Variants in ATP1A1 observed in about 807,000 individuals in gnomAD.
ATP1A1 encodes ATPase Na+/K+ transporting subunit alpha 1, also known as sodium/potassium-transporting ATPase subunit alpha-1.
A neutral mutation model predicts 114.8 loss-of-function variants in ATP1A1; 14 were observed. That is an observed-to-expected ratio of 0.12 (90% CI 0.08 to 0.19). The LOEUF is 0.19. Ranked by LOEUF, ATP1A1 falls within the 10% of genes least tolerant of loss-of-function variation. The pLI is 1.00. For synonymous variants in ATP1A1, 471 were observed against 466.3 expected (o/e 1.01, Z -0.13); for missense variants, 524 against 1,290.7 (o/e 0.41, Z 9.10).
Position 116,398,961 on chromosome 1 carries a change from C to G in ATP1A1, c.2325C>G (p.Ser775=), listed in dbSNP as rs141378291. ...TGATCTTTGATAACTTGAAGAAATC[C>G]ATTGCTTATACCTTAACCAGTAACA... ...GRLIFDNLKK[S]IAYTLTSNIP... Residue 775 remains serine, a synonymous_variant, in exon 17 of 23, where the codon TCC becomes TCG. Transcript: ENST00000295598. This position sits in a 1 kb window ranked among gnomAD's most constrained non-coding sequence, Gnocchi z 6.1. The G allele has an allele frequency of 1.2e-6, 2 of 1,614,148 alleles. No individual in the cohort carries two copies. Among genetic ancestry groups the G allele is most frequent in the Non-Finnish European group, 1.7e-6 (2 of 1,180,030 alleles).
At chr1:116,375,386 A>G (rs1651299502) in intron 1 of ATP1A1, among the ~76,000 whole-genome samples, 1 of 152,262 alleles carries the variant, frequency 6.6e-6, no homozygotes, top group Admixed American at 6.5e-5. Context: ...TTAATAGGCC[A>G]TGGAGATGGT....
intron 10 of ATP1A1, chr1:116,392,506 C>CTT (rs1652547961): frequency 5.5e-6 from 1 of 180,410 alleles, no homozygotes; most frequent in Non-Finnish European, 1.1e-5. Context: ...ATAGCATTGG[C>CTT]TTTGAGACTT....
In ATP1A1 at chr1:116,391,275, G is replaced by A. The variant is rs114160468; in HGVS notation, c.1332+384G>A. The stretch of plus-strand genomic sequence containing the variant: ...TGAGGGCTGCAGTGACTCCATAATC[G>A]TATTTGCATATTAGGATACAGTAGA... On this transcript the variant is annotated intron_variant, in intron 10 of 22. Coordinates refer to ENST00000295598, the MANE Select transcript of ATP1A1 (RefSeq NM_000701.8). 8.2e-3 allele frequency among the ~76,000 whole-genome samples: 1,247 copies of A among 152,262 alleles called. 23 individuals carry two copies. The highest frequency in any genetic ancestry group is 0.028 in the African/African-American group (1,162 of 41,538).
At position 116,399,332 on chromosome 1, in the gene ATP1A1, G is replaced by A. The variant is rs1653228475; in HGVS notation, c.2449-88G>A. 1.3e-6 allele frequency: 2 copies of A among 1,514,814 alleles called. No individual in the cohort carries two copies. Among genetic ancestry groups the A allele is most frequent in the Non-Finnish European group, 1.8e-6 (2 of 1,124,202 alleles). 93.8% of individuals were successfully genotyped at this position (1,514,814 alleles called of 1,614,324 possible). ...TACTTCACCTAAAAGATTTTTAAATGGGAGGGCAAGAATTTTATAACAAAA... is the reference window on the plus strand; with the variant it reads ...TACTTCACCTAAAAGATTTTTAAATAGGAGGGCAAGAATTTTATAACAAAA... On this transcript the variant is annotated intron_variant, in intron 17 of 22. Coordinates refer to ENST00000295598, the MANE Select transcript of ATP1A1 (RefSeq NM_000701.8). The surrounding 1 kb of genome is among the most constrained non-coding windows in gnomAD (Gnocchi z 5.0).
chr1:116,404,619 G>A lies in ATP1A1; in HGVS notation c.*175G>A. ...AGCATGTAGCTCTATGGGGGGAGGGGGGAGGGCTGCCTGAAAACCATCCAT... is the reference window on the plus strand; with the variant it reads ...AGCATGTAGCTCTATGGGGGGAGGGAGGAGGGCTGCCTGAAAACCATCCAT... On this transcript the variant is annotated 3_prime_UTR_variant, in exon 23 of 23. Coordinates refer to ENST00000295598, the MANE Select transcript of ATP1A1 (RefSeq NM_000701.8). The surrounding 1 kb of genome is among the most constrained non-coding windows in gnomAD (Gnocchi z 4.8). The A allele has an allele frequency of 1.0e-6, 1 of 964,206 alleles. No homozygotes were observed. 59.7% of individuals were successfully genotyped at this position (964,206 alleles called of 1,614,324 possible).
chr1:116,373,748 C>G, intron 1 of ATP1A1: 1 of 912,332 alleles, frequency 1.1e-6, no homozygotes, highest in Non-Finnish European at 1.3e-6. Flanking sequence ...TGGAGCGCGG[C>G]ATTGCTTAGG....
rs569437738 is a variant in ATP1A1 at position 116,381,510 on chromosome 1, T to C, written c.13-2504T>C. Among the ~76,000 whole-genome samples the C allele has an allele frequency of 2.4e-4, 37 of 152,374 alleles. No individual in the cohort carries two copies. Among genetic ancestry groups the C allele is most frequent in the African/African-American group, 7.7e-4 (32 of 41,598 alleles). ...ATTAAAATTTTGAAGAAAAAGCAGTTTTACTTGTTAATACTTGCCATGTGT... is the reference window on the plus strand; with the variant it reads ...ATTAAAATTTTGAAGAAAAAGCAGTCTTACTTGTTAATACTTGCCATGTGT... On this transcript the variant is annotated intron_variant, in intron 1 of 22. Transcript: ENST00000295598. This position sits in a 1 kb window ranked among gnomAD's most constrained non-coding sequence, Gnocchi z 5.1.
chr1:116,404,316 C>A lies in ATP1A1; in HGVS notation c.3044-100C>A. ...TTTGGATTTTAACACACCCGACCCCCATCATCCTCCGGTTGGTTTTCATCC... is the reference window on the plus strand; with the variant it reads ...TTTGGATTTTAACACACCCGACCCCAATCATCCTCCGGTTGGTTTTCATCC... On this transcript the variant is annotated intron_variant, in intron 22 of 22. Transcript: ENST00000295598. The surrounding 1 kb of genome is among the most constrained non-coding windows in gnomAD (Gnocchi z 4.8). 5 of 1,451,314 alleles carry A rather than the reference C, an allele frequency of 3.4e-6. No individual in the cohort carries two copies. The highest frequency in any genetic ancestry group is 1.8e-5 in the Admixed American group (1 of 57,126). 89.9% of individuals were successfully genotyped at this position (1,451,314 alleles called of 1,614,324 possible).
At chr1:116,374,099 G>C in intron 1 of ATP1A1, 1 of 1,470,028 alleles carries the variant, frequency 6.8e-7, no homozygotes, top group Non-Finnish European at 9.1e-7. Context: ...TCCTTCTCCT[G>C]GGGACGCTGG....
At chr1:116,378,321 C>T (rs1651498434) in intron 1 of ATP1A1, among the ~76,000 whole-genome samples, 1 of 152,194 alleles carries the variant, frequency 6.6e-6, no homozygotes, top group Admixed American at 6.5e-5. Context: ...CTTACTAGTT[C>T]CTTTGTGAGT....
intron 1 of ATP1A1, among the ~76,000 whole-genome samples, chr1:116,378,401 G>A (rs1376574293): frequency 1.3e-5 from 2 of 152,162 alleles, no homozygotes; most frequent in Non-Finnish European, 2.9e-5. Context: ...ATGACTATTG[G>A]CTGTCTCAGT....
chr1:116,393,400 T>C lies in ATP1A1; in HGVS notation c.1468-131T>C, dbSNP rs1215593419. 11 of 1,023,666 alleles carry C rather than the reference T, an allele frequency of 1.1e-5. No homozygotes were observed. The highest frequency in any genetic ancestry group is 1.6e-5 in the Non-Finnish European group (11 of 704,428). The allele number at this position is 1,023,666 out of a possible 1,614,324, so 63.4% of individuals were successfully genotyped here. On this transcript the variant is annotated intron_variant, in intron 11 of 22. Transcript: ENST00000295598. The surrounding 1 kb of genome is among the most constrained non-coding windows in gnomAD (Gnocchi z 5.0). ...AAAGTATGTTACAGGTGTAAGATAC[T>C]TCAGAGTTCAGAAAGAAGGGATCTT... is the stretch of plus-strand genomic sequence containing the variant.
chr1:116,391,924 C>T (rs759179331), intron 10 of ATP1A1, among the ~76,000 whole-genome samples: 2 of 152,170 alleles, frequency 1.3e-5, no homozygotes, highest in East Asian at 1.9e-4. Context: ...TACTAAAAAG[C>T]GGGGAGGGAG....
intron 10 of ATP1A1, among the ~76,000 whole-genome samples, chr1:116,391,900 G>A (rs1652496575): frequency 6.6e-6 from 1 of 152,188 alleles, no homozygotes; most frequent in South Asian, 2.1e-4. Flanking sequence ...GTTCGGCCAT[G>A]TTGATGGCAT....
Position 116,398,288 on chromosome 1 carries a change from A to G in ATP1A1, c.2124+250A>G, listed in dbSNP as rs909466880. 2.6e-5 allele frequency among the ~76,000 whole-genome samples: 4 copies of G among 152,166 alleles called. No homozygotes were observed. Among genetic ancestry groups the G allele is most frequent in the Non-Finnish European group, 2.9e-5 (2 of 68,036 alleles). On this transcript the variant is annotated intron_variant, in intron 15 of 22. Coordinates refer to ENST00000295598, the MANE Select transcript of ATP1A1 (RefSeq NM_000701.8). This position sits in a 1 kb window ranked among gnomAD's most constrained non-coding sequence, Gnocchi z 6.1. ...TGACCGCTCCGTGGAGTCATCTGAT[A>G]TGGGGTCCTAGTATTTGCAATAGAG...
chr1:116,404,062 G>GCTAA lies in ATP1A1; in HGVS notation c.3043+87_3043+88insCTAA. 7.6e-7 allele frequency: 1 copy of GCTAA among 1,313,040 alleles called. No individual in the cohort carries two copies. Among genetic ancestry groups the GCTAA allele is most frequent in the Non-Finnish European group, 1.1e-6 (1 of 929,346 alleles). The allele number at this position is 1,313,040 out of a possible 1,614,324, so 81.3% of individuals were successfully genotyped here. ...TTTTTTGTTTCCCTCAAGGTGTCTA[G>GCTAA]GCTCCCTCAGTGGTCAGTCTGATTA... On this transcript the variant is annotated intron_variant, in intron 22 of 22. Coordinates refer to ENST00000295598, the MANE Select transcript of ATP1A1 (RefSeq NM_000701.8). This position sits in a 1 kb window ranked among gnomAD's most constrained non-coding sequence, Gnocchi z 4.8.
In ATP1A1 at chr1:116,404,723, A is replaced by G; in HGVS notation, c.*279A>G. Reference sequence around the variant, plus strand: ...AAGGAACACCCGGAAAGACTGAAAGAATACATTTTATATCTGGATTTTTAC... The same window carrying G: ...AAGGAACACCCGGAAAGACTGAAAGGATACATTTTATATCTGGATTTTTAC... On this transcript the variant is annotated 3_prime_UTR_variant, in exon 23 of 23. Coordinates refer to ENST00000295598, the MANE Select transcript of ATP1A1 (RefSeq NM_000701.8). The surrounding 1 kb of genome is among the most constrained non-coding windows in gnomAD (Gnocchi z 4.8). 4.0e-6 allele frequency: 5 copies of G among 1,237,792 alleles called. No individual in the cohort carries two copies. Among genetic ancestry groups the G allele is most frequent in the Non-Finnish European group, 5.0e-6 (5 of 992,546 alleles). The allele number at this position is 1,237,792 out of a possible 1,614,324, so 76.7% of individuals were successfully genotyped here.
Position 116,373,367 on chromosome 1 carries a change from C to G in ATP1A1, c.-145C>G. 1 of 460,510 alleles carries G rather than the reference C, an allele frequency of 2.2e-6. No homozygotes were observed. The highest frequency in any genetic ancestry group is 3.6e-6 in the Non-Finnish European group (1 of 280,278). 28.5% of individuals were successfully genotyped at this position (460,510 alleles called of 1,614,324 possible). A position where few individuals can be genotyped will look rare whatever the true frequency, so the allele number is the denominator to read the frequency against. ...CGGCATCGGCCCGAGCCGCCGGCCG[C>G]CCTCCCACCCTCCCGCCCCGCGGCA... On this transcript the variant is annotated 5_prime_UTR_variant, in exon 1 of 23. Coordinates refer to ENST00000295598, the MANE Select transcript of ATP1A1 (RefSeq NM_000701.8).
At chr1:116,386,401 T>C (rs745553072) in intron 3 of ATP1A1, among the ~76,000 whole-genome samples, 7 of 152,158 alleles carry the variant, frequency 4.6e-5, no homozygotes, top group Non-Finnish European at 1.0e-4. Context: ...TAAAATGAGG[T>C]TAATAATGCC....
Sources: allele counts gnomAD v4.1 joint callset (sites outside exome capture counted in the v4.1 genomes callset), GRCh38; gene constraint gnomAD v4.1.1; non-coding constraint Gnocchi (gnomAD v3.1); transcripts MANE v1.5; gene names NCBI Gene and HGNC (gene_info 2026-07-23, HGNC 2026-07-21).